ZFP62: variants seen among roughly 807,000 people sequenced by gnomAD.
ZFP62 encodes the protein ZFP62 zinc finger protein.
Under a neutral mutation model 56.4 loss-of-function variants are expected in ZFP62, and 44 were observed. The observed-to-expected ratio is 0.78, with a 90% confidence interval of 0.61 to 1.00. The LOEUF is 1.00. Ranked by LOEUF, ZFP62 falls within the 50% of genes least tolerant of loss-of-function variation. The probability of loss-of-function intolerance (pLI) is 0.00; values close to 1 mark genes in which losing one functional copy is unlikely to be tolerated. For synonymous variants in ZFP62, 421 were observed against 388.9 expected, an observed-to-expected ratio of 1.08 and a Z score of -0.97; for missense variants, 1,030 against 1,085.7, an observed-to-expected ratio of 0.95 and a Z score of 0.72.
At chr5:180,830,534 A>G in the ZFP62 span, 2 of 152,590 alleles carry the variant, frequency 1.3e-5, no homozygotes, top group Admixed American at 1.3e-4. Flanking sequence ...ATCTTGCCTA[A>G]GCCACCACCA....
the ZFP62 span, among the ~76,000 whole-genome samples, chr5:180,836,198 C>T: frequency 1.3e-5 from 2 of 152,214 alleles, no homozygotes; most frequent in Non-Finnish European, 2.9e-5. Context: ...TTTCTCACAA[C>T]GTATCCACGT....
the ZFP62 span, chr5:180,834,687 T>C: frequency 1.3e-5 from 2 of 152,204 alleles, no homozygotes; most frequent in Non-Finnish European, 2.9e-5. Flanking sequence ...CCCCAAGATA[T>C]TTAAAAACTC....
the ZFP62 span, chr5:180,830,652 CTCAG>C: frequency 2.0e-5 from 3 of 152,100 alleles, no homozygotes; most frequent in Admixed American, 6.5e-5. Context: ...CCATCAGGGT[CTCAG>C]TCAGTCATCA....
Position 180,848,786 on chromosome 5 carries a change from T to G in ZFP62, c.*6A>C, listed in dbSNP as rs1270005155. On this transcript the variant is annotated 3_prime_UTR_variant, in exon 2 of 2. Coordinates refer to ENST00000502412, the MANE Select transcript of ZFP62 (RefSeq NM_001172638.2). ...GAGTTCGGAGAGACTTGGTAAGCTCTGCCTGCTACAGAGGCATCCTCATCC... is the reference window on the plus strand; with the variant it reads ...GAGTTCGGAGAGACTTGGTAAGCTCGGCCTGCTACAGAGGCATCCTCATCC... 1 of 1,507,652 alleles carries G rather than the reference T, an allele frequency of 6.6e-7. No individual in the cohort carries two copies. Among genetic ancestry groups the G allele is most frequent in the East Asian group, 2.5e-5 (1 of 40,336 alleles). The allele number at this position is 1,507,652 out of a possible 1,614,324, so 93.4% of individuals were successfully genotyped here.
the ZFP62 span, chr5:180,829,829 G>A: frequency 1.3e-5 from 2 of 152,600 alleles, no homozygotes; most frequent in Non-Finnish European, 2.9e-5. Context: ...GGAAAGCCTG[G>A]GGTGGGGGTG....
downstream of ZFP62, chr5:180,845,592 G>A (rs1474134415): frequency 2.1e-5 from 9 of 438,634 alleles, no homozygotes; most frequent in Non-Finnish European, 2.7e-5. Context: ...GACAATTGAA[G>A]TACTGTATTC....
chr5:180,850,448 G>A lies in ZFP62; in HGVS notation c.1047C>T (p.Ser349=), dbSNP rs1428434137. The A allele has an allele frequency of 1.9e-6, 3 of 1,553,252 alleles. No individual in the cohort carries two copies. The highest frequency in any genetic ancestry group is 1.4e-5 in the African/African-American group (1 of 73,168). Residue 349 remains serine, a synonymous_variant, in exon 2 of 2, where the codon AGC becomes AGT. Transcript: ENST00000502412. Reference sequence around the variant, plus strand: ...TGACTTTATGCTGAATGAGAAGAGAGCTATAATTAAAAGATTTCTCACACT... The same window carrying A: ...TGACTTTATGCTGAATGAGAAGAGAACTATAATTAAAAGATTTCTCACACT... ...CDECEKSFNY[S]SLLIQHKVIH... is the part of the protein sequence containing the mutation.
At chr5:180,847,119 A>G (rs1422928039), downstream of ZFP62, among the ~76,000 whole-genome samples, 1 of 152,328 alleles carries the variant, frequency 6.6e-6, no homozygotes, top group East Asian at 1.9e-4. Context: ...AGGAGATGGG[A>G]AACTACATGG....
intron 1 of ZFP62, among the ~76,000 whole-genome samples, chr5:180,853,331 G>A (rs749030653): frequency 7.9e-4 from 120 of 152,300 alleles, no homozygotes; most frequent in Non-Finnish European, 5.6e-4. Context: ...TACATGCTAC[G>A]TTTCGTGTAG....
At chr5:180,856,987 A>C in intron 1 of ZFP62, among the ~76,000 whole-genome samples, 1 of 147,712 alleles carries the variant, frequency 6.8e-6, no homozygotes, top group Non-Finnish European at 1.5e-5. Context: ...AAGCAAATAC[A>C]GGACATGGAG....
At chr5:180,845,583 A>G (rs1380050996), downstream of ZFP62, 1 of 384,020 alleles carries the variant, frequency 2.6e-6, no homozygotes, top group East Asian at 1.6e-4. Context: ...CAGTAGGAAG[A>G]CAATTGAAGT....
intron 1 of ZFP62, among the ~76,000 whole-genome samples, chr5:180,856,672 C>A (rs1773991733): frequency 6.6e-6 from 1 of 151,960 alleles, no homozygotes; most frequent in Non-Finnish European, 1.5e-5. Context: ...ATGACAGAGG[C>A]GGCCGGGCAT....
At position 180,850,944 on chromosome 5, in the gene ZFP62, A is replaced by C; in HGVS notation, c.551T>G (p.Leu184Arg). ...CGGTFRSSSS[L>R]RVHKRIHTGE... ...AGTGTGGATCCGTTTGTGGACCCGA[A>C]GGCTCGAGCTGCTCCGGAAAGTCCC... Residue 184 changes from leucine to arginine, a missense_variant, in exon 2 of 2, where the codon CTT (leucine) becomes CGT (arginine). By Grantham distance (102) the Leu-to-Arg change is moderately radical. Transcript: ENST00000502412. 1.9e-6 allele frequency: 3 copies of C among 1,556,740 alleles called. No individual in the cohort carries two copies. The highest frequency in any genetic ancestry group is 2.6e-6 in the Non-Finnish European group (3 of 1,150,424).
chr5:180,854,644 C>A (rs1773877814), intron 1 of ZFP62, among the ~76,000 whole-genome samples: 1 of 152,120 alleles, frequency 6.6e-6, no homozygotes, highest in Non-Finnish European at 1.5e-5. Flanking sequence ...TAATTTAACA[C>A]CTCCAGAGGG....
chr5:180,832,226 A>C, the ZFP62 span, among the ~76,000 whole-genome samples: 1 of 152,142 alleles, frequency 6.6e-6, no homozygotes. Context: ...ATCATGGCTC[A>C]CTGCAGCCTC....
At chr5:180,843,926 A>G (rs550293293), downstream of ZFP62, among the ~76,000 whole-genome samples, 2 of 152,386 alleles carry the variant, frequency 1.3e-5, no homozygotes, top group South Asian at 4.1e-4. Context: ...TTTTGTAACA[A>G]CAATAACAAA....
Position 180,849,100 on chromosome 5 carries a change from T to C in ZFP62, c.2395A>G (p.Ser799Gly). Residue 799 changes from serine (S) to glycine (G), a missense_variant, in exon 2 of 2, where the codon AGT (serine) becomes GGT (glycine). Physicochemically the swap from Ser to Gly is moderately conservative, Grantham distance 56. Coordinates refer to ENST00000502412, the MANE Select transcript of ZFP62 (RefSeq NM_001172638.2). ...ECGKAYISHSSLINHKSVHQG... is the reference protein window; with the variant it reads ...ECGKAYISHSGLINHKSVHQG... ...TGGACACTTTTATGATTGATAAGAC[T>C]TGAGTGTGAGATGTATGCCTTCCCA... is the stretch of plus-strand genomic sequence containing the variant. 1 of 1,554,400 alleles carries C rather than the reference T, an allele frequency of 6.4e-7. No individual in the cohort carries two copies. Among genetic ancestry groups the C allele is most frequent in the Non-Finnish European group, 8.7e-7 (1 of 1,148,650 alleles).
At chr5:180,837,255 C>T in the ZFP62 span, among the ~76,000 whole-genome samples, 14 of 152,360 alleles carry the variant, frequency 9.2e-5, no homozygotes, top group South Asian at 2.1e-3. Flanking sequence ...ACTCTACCTG[C>T]GTCCTCCCCA....
In ZFP62 at chr5:180,849,008, C is replaced by T; in HGVS notation, c.2487G>A (p.Gln829=). 1 of 1,551,838 alleles carries T rather than the reference C, an allele frequency of 6.4e-7. No homozygotes were observed. The highest frequency in any genetic ancestry group is 8.7e-7 in the Non-Finnish European group (1 of 1,146,982). The change falls in exon 2 of 2, where the codon CAG becomes CAA. Residue 829 remains glutamine (Q), a synonymous_variant. Coordinates refer to ENST00000502412, the MANE Select transcript of ZFP62 (RefSeq NM_001172638.2). ...KSFNYRSVLD[Q]HKRIHTGKKP... Reference sequence around the variant, plus strand: ...TCTTTCCAGTGTGGATCCTTTTGTGCTGGTCAAGGACTGATCTATAATTGA... The same window carrying T: ...TCTTTCCAGTGTGGATCCTTTTGTGTTGGTCAAGGACTGATCTATAATTGA...
Sources: allele counts gnomAD v4.1 joint callset (sites outside exome capture counted in the v4.1 genomes callset), GRCh38; gene constraint gnomAD v4.1.1; transcripts MANE v1.5; gene names NCBI Gene and HGNC (gene_info 2026-07-23, HGNC 2026-07-21).